SCHIP1: variants seen among roughly 807,000 people sequenced by gnomAD.
The protein encoded by SCHIP1 is schwannomin-interacting protein 1.
In SCHIP1, 8 loss-of-function variants were observed where a neutral mutation model predicts 29.7. That is an observed-to-expected ratio of 0.27 (90% CI 0.16 to 0.49). SCHIP1 has a LOEUF of 0.49. SCHIP1 is among the 20% of genes least tolerant of loss of function. The pLI, the probability that SCHIP1 is intolerant of heterozygous loss-of-function variation, is 0.99. For missense variants in SCHIP1, 193 were observed against 294.6 expected, an observed-to-expected ratio of 0.66 and a Z score of 2.52; for synonymous variants, 76 against 94.9, an observed-to-expected ratio of 0.80 and a Z score of 1.16.
chr3:159,853,099 A>G (rs535264134), intron 1 of SCHIP1: 47 of 319,306 alleles, frequency 1.5e-4, no homozygotes, highest in Non-Finnish European at 7.5e-5. Flanking sequence ...AGGTGACAGC[A>G]GATGGTGGGA....
At chr3:159,703,214 T>C in the SCHIP1 span, among the ~76,000 whole-genome samples, 18 of 152,340 alleles carry the variant, frequency 1.2e-4, no homozygotes, top group African/African-American at 4.3e-4. Context: ...AGAACTTCAT[T>C]TGCAGTACCA....
At chr3:159,452,674 G>A in the SCHIP1 span, among the ~76,000 whole-genome samples, 1 of 152,150 alleles carries the variant, frequency 6.6e-6, no homozygotes, top group Non-Finnish European at 1.5e-5. Context: ...CCAGTAACGG[G>A]ATTGCTAGGT....
the SCHIP1 span, among the ~76,000 whole-genome samples, chr3:159,790,496 C>A: frequency 1.3e-5 from 2 of 152,236 alleles, no homozygotes; most frequent in African/African-American, 4.8e-5. Context: ...AACAGCCTGG[C>A]CAATATGGTG....
At chr3:159,471,843 A>G in the SCHIP1 span, among the ~76,000 whole-genome samples, 6 of 152,164 alleles carry the variant, frequency 3.9e-5, no homozygotes, top group East Asian at 9.6e-4. Flanking sequence ...GGTAAATATT[A>G]AGATGCATGT....
chr3:159,674,767 T>A, the SCHIP1 span, among the ~76,000 whole-genome samples: 1 of 152,052 alleles, frequency 6.6e-6, no homozygotes, highest in Non-Finnish European at 1.5e-5. Context: ...CAGTTCCAAT[T>A]AGGATATGAC....
the SCHIP1 span, among the ~76,000 whole-genome samples, chr3:159,654,301 A>T: frequency 4.6e-5 from 7 of 152,058 alleles, no homozygotes; most frequent in East Asian, 1.4e-3. Flanking sequence ...CCTATTCATC[A>T]CTAGTTCATT....
At chr3:159,494,647 G>A in the SCHIP1 span, among the ~76,000 whole-genome samples, 1 of 152,080 alleles carries the variant, frequency 6.6e-6, no homozygotes, top group Non-Finnish European at 1.5e-5. Context: ...AGGACCAGAT[G>A]GATTCACAGC....
the SCHIP1 span, among the ~76,000 whole-genome samples, chr3:159,326,361 A>G: frequency 2.6e-5 from 4 of 152,342 alleles, no homozygotes; most frequent in Admixed American, 2.6e-4. Context: ...GGCTAAAATA[A>G]GTATTCCAAA....
chr3:159,733,909 A>G, the SCHIP1 span, among the ~76,000 whole-genome samples: 1 of 152,238 alleles, frequency 6.6e-6, no homozygotes, highest in African/African-American at 2.4e-5. Context: ...GACCTTTCTC[A>G]TTCAGAAACA....
intron 2 of SCHIP1, among the ~76,000 whole-genome samples, chr3:159,876,537 G>A (rs1715832522): frequency 1.3e-5 from 2 of 152,158 alleles, no homozygotes; most frequent in South Asian, 4.1e-4. Flanking sequence ...TGCTGCTACA[G>A]TATTTCGTTA....
At chr3:159,664,629 G>T in the SCHIP1 span, among the ~76,000 whole-genome samples, 11 of 152,212 alleles carry the variant, frequency 7.2e-5, no homozygotes, top group Non-Finnish European at 1.5e-4. Flanking sequence ...TGAAACATGT[G>T]TTGCCACATC....
chr3:159,321,695 A>T, the SCHIP1 span, among the ~76,000 whole-genome samples: 1 of 152,148 alleles, frequency 6.6e-6, no homozygotes, highest in East Asian at 1.9e-4. Context: ...TTTATTTTTT[A>T]AAATGATTAT....
the SCHIP1 span, among the ~76,000 whole-genome samples, chr3:159,347,575 A>G: frequency 3.3e-5 from 5 of 152,178 alleles, no homozygotes; most frequent in African/African-American, 9.6e-5. Flanking sequence ...TTTTAGTTCT[A>G]CTGGATTTGA....
At chr3:159,384,940 G>C in the SCHIP1 span, among the ~76,000 whole-genome samples, 1 of 152,174 alleles carries the variant, frequency 6.6e-6, no homozygotes, top group African/African-American at 2.4e-5. Flanking sequence ...TTGTATTTCT[G>C]TGGGATCGGT....
chr3:159,429,282 G>C, the SCHIP1 span, among the ~76,000 whole-genome samples: 2 of 150,802 alleles, frequency 1.3e-5, no homozygotes, highest in Non-Finnish European at 2.9e-5. Flanking sequence ...ATAAGCTCTT[G>C]AAGATTTCAT....
the SCHIP1 span, among the ~76,000 whole-genome samples, chr3:159,338,777 T>G: frequency 6.6e-6 from 1 of 152,186 alleles, no homozygotes; most frequent in Non-Finnish European, 1.5e-5. Context: ...TTGGATGCTA[T>G]GGTTTTTAAG....
chr3:159,594,898 T>G, the SCHIP1 span, among the ~76,000 whole-genome samples: 2 of 152,160 alleles, frequency 1.3e-5, no homozygotes, highest in African/African-American at 2.4e-5. Context: ...AGATGAAAAC[T>G]GGGAAGGATG....
chr3:159,416,006 A>T, the SCHIP1 span, among the ~76,000 whole-genome samples: 2 of 140,754 alleles, frequency 1.4e-5, no homozygotes, highest in Non-Finnish European at 3.1e-5. Context: ...TCAGAGTATA[A>T]TGGGATAAAA....
intron 1 of SCHIP1, chr3:159,845,906 T>C (rs993653686): frequency 6.6e-6 from 1 of 152,248 alleles, no homozygotes; most frequent in African/African-American, 2.4e-5. Flanking sequence ...CAGAAGTCCA[T>C]GTACCTGGCT....
Sources: gnomAD v4.1 joint callset for allele counts (sites outside exome capture counted in the v4.1 genomes callset) on GRCh38, gnomAD v4.1.1 for gene constraint, MANE v1.5 for transcripts, NCBI Gene and HGNC (gene_info 2026-07-23, HGNC 2026-07-21) for gene names.